The following LMAN1 variants were observed in gnomAD, a reference collection of about 807,000 sequenced individuals.
LMAN1 encodes the protein lectin, mannose binding 1.
LMAN1 carries 32 observed loss-of-function variants against 67.8 expected under a neutral mutation model. The observed-to-expected ratio is 0.47, with a 90% CI of 0.36 to 0.63. The LOEUF (loss-of-function observed/expected upper bound fraction) is 0.63. Ranked by LOEUF, LMAN1 falls within the 30% of genes least tolerant of loss-of-function variation. The probability of loss-of-function intolerance (pLI) is 0.00; values close to 1 mark genes in which losing one functional copy is unlikely to be tolerated. For missense variants in LMAN1, 632 were observed against 628.2 expected (o/e 1.01, Z -0.06); for synonymous variants, 235 against 219.3 (o/e 1.07, Z -0.63).
chr18:59,353,092 T>A (rs933631150), intron 5 of LMAN1, 110 bp downstream of exon 5: 11 of 917,744 alleles, frequency 1.2e-5, no homozygotes, highest in Middle Eastern at 2.8e-4. Context: ...CAATGAAGAG[T>A]ATGTAAGCAT....
intron 5 of LMAN1, among the ~76,000 whole-genome samples, chr18:59,350,746 C>T (rs1008344066): frequency 6.6e-6 from 1 of 152,148 alleles, no homozygotes; most frequent in Non-Finnish European, 1.5e-5. Flanking sequence ...CCGCCCGCCT[C>T]GGCCTCCTAA....
Position 59,346,209 on chromosome 18 carries a change from CTTT to C in LMAN1, c.823-161_823-159del, listed in dbSNP as rs370183077. ...TTTACTTAAACGATAGCAAATTACT[CTTT>C]TTTTTTTTTTTTTTTTTTTTTTTTA... is the stretch of plus-strand genomic sequence containing the variant. On this transcript the variant is annotated intron_variant, in intron 7 of 12. Transcript: ENST00000251047. 0.093 allele frequency among the ~76,000 whole-genome samples: 5,678 copies of C among 61,238 alleles called. 266 individuals are homozygous for C. Among genetic ancestry groups the C allele is most frequent in the African/African-American group, 0.19 (3,327 of 17,786 alleles). The allele number at this position is 61,238 out of a possible 152,430, so 40.2% of individuals were successfully genotyped here.
At chr18:59,332,561 T>C (rs972729703) in intron 11 of LMAN1, among the ~76,000 whole-genome samples, 4 of 152,114 alleles carry the variant, frequency 2.6e-5, no homozygotes, top group African/African-American at 9.7e-5. Flanking sequence ...TTTAAAAAGA[T>C]AAAACGCGAT....
In LMAN1 at chr18:59,346,787, T is replaced by A. The variant is rs186509186; in HGVS notation, c.822+726A>T. Among the ~76,000 whole-genome samples, 103 of 151,996 alleles carry A rather than the reference T, an allele frequency of 6.8e-4. No homozygotes were observed. In the East Asian group the frequency reaches 0.013, roughly 19 times the overall value. On this transcript the variant is annotated intron_variant, in intron 7 of 12. Coordinates refer to ENST00000251047, the MANE Select transcript of LMAN1 (RefSeq NM_005570.4). ...TGCCCACCTTGGCCTCCCAAAGTGC[T>A]AGGATTACAGGCATGAGCCACCACA...
At chr18:59,355,684 G>A (rs1306357383) in intron 1 of LMAN1, 26 bp from the exon 2 acceptor site, 7 of 1,609,666 alleles carry the variant, frequency 4.3e-6, no homozygotes, top group Non-Finnish European at 5.1e-6. Flanking sequence ...GGGGAAAAAA[G>A]CTTTAAGTTA....
chr18:59,335,446 A>G (rs1908123373), intron 10 of LMAN1, among the ~76,000 whole-genome samples: 1 of 151,962 alleles, frequency 6.6e-6, no homozygotes, highest in Admixed American at 6.6e-5. Flanking sequence ...AAGAAAAAAA[A>G]AAAAAGAAAG....
At chr18:59,355,935 A>AC in intron 1 of LMAN1, among the ~76,000 whole-genome samples, 1 of 152,360 alleles carries the variant, frequency 6.6e-6, no homozygotes, top group South Asian at 2.1e-4. Flanking sequence ...TCTGAGTCTC[A>AC]TAACATTCTT....
At chr18:59,333,328 C>T (rs1455197875) in intron 10 of LMAN1, 84 bp from the exon 11 acceptor site, 16 of 1,018,192 alleles carry the variant, frequency 1.6e-5, no homozygotes, top group Non-Finnish European at 2.2e-5. Flanking sequence ...TTTTACTTTT[C>T]AAGTCTAATA....
intron 8 of LMAN1, among the ~76,000 whole-genome samples, chr18:59,340,817 T>G (rs894371502): frequency 1.3e-5 from 2 of 152,012 alleles, no homozygotes; most frequent in Non-Finnish European, 1.5e-5. Flanking sequence ...AACAAAGAAT[T>G]TATAAGACAA....
intron 10 of LMAN1, among the ~76,000 whole-genome samples, chr18:59,336,274 C>G (rs1908145649): frequency 6.6e-6 from 1 of 152,086 alleles, no homozygotes; most frequent in Non-Finnish European, 1.5e-5. Context: ...GGAACCAGGG[C>G]TCACTGAGGG....
chr18:59,352,761 C>T (rs1232950134), intron 5 of LMAN1: 5 of 197,688 alleles, frequency 2.5e-5, no homozygotes, highest in East Asian at 1.2e-4. Flanking sequence ...ACCACAGGAC[C>T]GCTTGATAGT....
At chr18:59,334,425 C>T (rs1908097295) in intron 10 of LMAN1, among the ~76,000 whole-genome samples, 1 of 152,126 alleles carries the variant, frequency 6.6e-6, no homozygotes, top group Admixed American at 6.6e-5. Flanking sequence ...ACGACTAGAG[C>T]TCTACAAAGA....
chr18:59,341,264 A>G (rs1044282284), intron 8 of LMAN1, among the ~76,000 whole-genome samples: 2 of 152,180 alleles, frequency 1.3e-5, no homozygotes, highest in African/African-American at 4.8e-5. Flanking sequence ...TAATAGTGGG[A>G]GAATTTAACA....
At chr18:59,344,515 C>T (rs1908357379) in intron 8 of LMAN1, among the ~76,000 whole-genome samples, 1 of 152,050 alleles carries the variant, frequency 6.6e-6, no homozygotes, top group African/African-American at 2.4e-5. Context: ...TTTGCAGCAA[C>T]ATGGATGGAA....
At chr18:59,355,769 T>C (rs369559353) in intron 1 of LMAN1, 111 bp from the exon 2 acceptor site, 25 of 1,226,118 alleles carry the variant, frequency 2.0e-5, no homozygotes, top group East Asian at 1.9e-4. Flanking sequence ...TGTACAATAA[T>C]GATTTGGAAA....
intron 8 of LMAN1, among the ~76,000 whole-genome samples, chr18:59,342,180 T>A (rs943255692): frequency 2.0e-5 from 3 of 151,192 alleles, no homozygotes. Context: ...ACTGAATCAG[T>A]AGTAAAAAAA....
intron 6 of LMAN1, among the ~76,000 whole-genome samples, chr18:59,348,446 C>T (rs1908469580): frequency 6.6e-6 from 1 of 152,250 alleles, no homozygotes; most frequent in South Asian, 2.1e-4. Flanking sequence ...TCAGAAATTT[C>T]TTTCACCTAA....
Position 59,338,920 on chromosome 18 carries a change from T to C in LMAN1, c.989A>G (p.Glu330Gly). 6.2e-7 allele frequency: 1 copy of C among 1,613,368 alleles called. No homozygotes were observed. The change falls in exon 9 of 13, where the codon GAG becomes GGG. Residue 330 changes from glutamate (E) to glycine (G), a missense_variant. Coordinates refer to ENST00000251047, the MANE Select transcript of LMAN1 (RefSeq NM_005570.4). The part of the protein sequence containing the change: ...EEIFESVGDR[E>G]LRQVFEGQNR... ...CTGTCCTTCAAAGACTTGTCTTAGC[T>C]CTCGATCTCCTACACTCTCAAATAT...
chr18:59,354,676 T>C (rs902650195), intron 3 of LMAN1, 96 bp from the exon 4 acceptor site: 4 of 633,474 alleles, frequency 6.3e-6, no homozygotes, highest in Non-Finnish European at 1.1e-5. Flanking sequence ...TCTAAGATTC[T>C]AGGACTCAAA....
Sources: gnomAD v4.1 joint callset for allele counts (sites outside exome capture counted in the v4.1 genomes callset) on GRCh38, gnomAD v4.1.1 for gene constraint, MANE v1.5 for transcripts, NCBI Gene and HGNC (gene_info 2026-07-23, HGNC 2026-07-21) for gene names.